The following CDH8 variants were observed in gnomAD, a reference collection of about 807,000 sequenced individuals.
CDH8 encodes cadherin 8.
Under a neutral mutation model 68.1 loss-of-function variants are expected in CDH8, and 17 were observed. The observed-to-expected ratio is 0.25, with a 90% confidence interval of 0.17 to 0.37. The LOEUF is 0.37. CDH8 is among the 10% of genes least tolerant of loss of function. The pLI is 1.00. For missense variants in CDH8, 763 were observed against 999.3 expected (o/e 0.76, Z 3.19); for synonymous variants, 372 against 365.1 (o/e 1.02, Z -0.21).
intron 2 of CDH8, among the ~76,000 whole-genome samples, chr16:61,982,924 T>C (rs571601524): frequency 2.6e-5 from 4 of 152,336 alleles, no homozygotes; most frequent in Admixed American, 2.0e-4. Context: ...TATACTGCCA[T>C]AATAGTGTTT....
At position 61,988,815 on chromosome 16, in the gene CDH8, T is replaced by C. The variant is rs537816430; in HGVS notation, c.252+32337A>G. Among the ~76,000 whole-genome samples the C allele has an allele frequency of 6.6e-5, 10 of 152,254 alleles. No individual in the cohort carries two copies. In the South Asian group the frequency reaches 1.5e-3, roughly 22 times the overall value. ...CAACTTTTAACTCTGTGGCTCAAAC[T>C]CCTTTAAAATTTTGAAATGTTATCC... is the stretch of plus-strand genomic sequence containing the variant. On this transcript the variant is annotated intron_variant, in intron 2 of 11. Transcript: ENST00000577390.
At chr16:61,654,139 G>C (rs747025092) in intron 11 of CDH8, 38 bp from the exon 12 acceptor site, 2 of 1,573,908 alleles carry the variant, frequency 1.3e-6, no homozygotes, top group South Asian at 2.4e-5. Flanking sequence ...AGCCAAACAA[G>C]CATATAATTT....
intron 10 of CDH8, among the ~76,000 whole-genome samples, chr16:61,708,788 T>C (rs1567433922): frequency 6.6e-6 from 1 of 152,180 alleles, no homozygotes; most frequent in Non-Finnish European, 1.5e-5. Flanking sequence ...ATAGTGCTGT[T>C]CTCCGTATCT....
intron 2 of CDH8, among the ~76,000 whole-genome samples, chr16:61,907,722 G>A (rs959758917): frequency 1.3e-5 from 2 of 151,542 alleles, no homozygotes; most frequent in South Asian, 2.1e-4. Flanking sequence ...AACTTACTGG[G>A]GAGAAAACCT....
chr16:61,727,099 C>T lies in CDH8; in HGVS notation c.1531G>A (p.Gly511Ser), dbSNP rs371471776. Residue 511 changes from glycine (G) to serine (S), a missense_variant, in exon 9 of 12, where the codon GGC (glycine) becomes AGC (serine). Gly to Ser is a moderately conservative substitution (Grantham distance 56, BLOSUM62 0). This residue lies in a region of CDH8 where 397 missense variants were observed against 436.2 expected (regional missense o/e 0.91). Transcript: ENST00000577390. Reference sequence around the variant, plus strand: ...AACAACATGGAGATATTTACTTGGCCGGGTTTTCCATTTTCACATAAAAAT... The same window carrying T: ...AACAACATGGAGATATTTACTTGGCTGGGTTTTCCATTTTCACATAAAAAT... ...EAFLCENGKP[G>S]QVIQTVSAMD... 67 of 1,610,570 alleles carry T rather than the reference C, an allele frequency of 4.2e-5. No homozygotes were observed. In the South Asian group the frequency reaches 4.5e-4, roughly 11 times the overall value.
At chr16:61,783,782 C>A (rs566896237) in intron 8 of CDH8, among the ~76,000 whole-genome samples, 1 of 152,150 alleles carries the variant, frequency 6.6e-6, no homozygotes, top group South Asian at 2.1e-4. Flanking sequence ...GGCCAATATT[C>A]AACATTCTTA....
chr16:61,813,150 T>C (rs541016655), intron 7 of CDH8, among the ~76,000 whole-genome samples: 2 of 152,316 alleles, frequency 1.3e-5, no homozygotes, highest in South Asian at 4.1e-4. Context: ...TGGTTTATTT[T>C]TCTTCTTTCC....
intron 2 of CDH8, among the ~76,000 whole-genome samples, chr16:61,922,970 C>G (rs1964394854): frequency 6.6e-6 from 1 of 152,116 alleles, no homozygotes; most frequent in South Asian, 2.1e-4. Flanking sequence ...CTTGGGATAT[C>G]CATCACCTTA....
rs749126057 is a variant in CDH8, at chr16:61,653,628, C to G, written c.2380G>C (p.Glu794Gln). 2 of 1,610,104 alleles carry G rather than the reference C, an allele frequency of 1.2e-6. No individual in the cohort carries two copies. Among genetic ancestry groups the G allele is most frequent in the Non-Finnish European group, 1.7e-6 (2 of 1,178,676 alleles). ...KRLGELYSVGESDKET is the reference protein window; with the variant it reads ...KRLGELYSVGQSDKET The stretch of plus-strand genomic sequence containing the variant: ...CACTGTCAAGTTTCTTTGTCACTTT[C>G]ACCAACAGAGTAGAGTTCGCCCAGT... Residue 794 changes from glutamate (E) to glutamine (Q), a missense_variant, in exon 12 of 12, where the codon GAA (glutamate) becomes CAA (glutamine). Physicochemically the swap from Glu to Gln is conservative, Grantham distance 29. Coordinates refer to ENST00000577390, the MANE Select transcript of CDH8 (RefSeq NM_001796.5).
chr16:61,655,179 T>G (rs1390548986), intron 11 of CDH8, among the ~76,000 whole-genome samples: 1 of 152,140 alleles, frequency 6.6e-6, no homozygotes, highest in Non-Finnish European at 1.5e-5. Flanking sequence ...CTAGATGGTG[T>G]TGTAACGACG....
rs1238215635 is a variant in CDH8, at chr16:61,901,422, C to T, written c.304G>A (p.Gly102Ser). 1 of 1,613,854 alleles carries T rather than the reference C, an allele frequency of 6.2e-7. No individual in the cohort carries two copies. Among genetic ancestry groups the T allele is most frequent in the Non-Finnish European group, 8.5e-7 (1 of 1,179,824 alleles). The change falls in exon 3 of 12, where the codon GGT becomes AGT. Residue 102 changes from glycine to serine, a missense_variant. Physicochemically the swap from Gly to Ser is moderately conservative, Grantham distance 56. Transcript: ENST00000577390. Reference protein sequence around the residue: ...GSKKIKYILSGDGAGTIFQIN... With the variant: ...GSKKIKYILSSDGAGTIFQIN... ...TGAAATATGGTCCCAGCTCCATCAC[C>T]TGATAGGATATACTTGATTTTTTTG...
chr16:62,014,635 C>T (rs1597126795), intron 2 of CDH8, among the ~76,000 whole-genome samples: 1 of 152,142 alleles, frequency 6.6e-6, no homozygotes, highest in Admixed American at 6.5e-5. Context: ...CATCCCGTGT[C>T]CTTCATACTA....
chr16:61,960,258 T>C (rs150647840), intron 2 of CDH8, among the ~76,000 whole-genome samples: 2,855 of 51,794 alleles, frequency 0.055, 800 homozygotes, highest in Admixed American at 0.087. Context: ...TGTATACACA[T>C]ACATATATAC....
intron 8 of CDH8, among the ~76,000 whole-genome samples, chr16:61,764,427 C>T (rs1490386249): frequency 2.0e-5 from 3 of 152,092 alleles, no homozygotes; most frequent in South Asian, 2.1e-4. Flanking sequence ...CTCAGTTTCC[C>T]GTAGGAAAAC....
At chr16:61,698,340 C>A (rs1475581512) in intron 10 of CDH8, among the ~76,000 whole-genome samples, 1 of 152,134 alleles carries the variant, frequency 6.6e-6, no homozygotes, top group African/African-American at 2.4e-5. Flanking sequence ...CAGACAGAAC[C>A]CAATCTGTGG....
chr16:61,848,487 C>A (rs1380768620), intron 4 of CDH8, among the ~76,000 whole-genome samples: 1 of 152,102 alleles, frequency 6.6e-6, no homozygotes, highest in Non-Finnish European at 1.5e-5. Context: ...GTATATTTAA[C>A]TGTTCTATGT....
chr16:61,658,443 C>T lies in CDH8; in HGVS notation c.1655-2722G>A, dbSNP rs59294358. 8.2e-3 allele frequency among the ~76,000 whole-genome samples: 1,244 copies of T among 151,710 alleles called. 15 individuals are homozygous for T. The highest frequency in any genetic ancestry group is 0.028 in the African/African-American group (1,156 of 41,432). ...TTATTTTTTGGTTGTTGTATTAATT[C>T]GATTGTTTTCTATACTAAAAATTGA... On this transcript the variant is annotated intron_variant, in intron 10 of 11. Coordinates refer to ENST00000577390, the MANE Select transcript of CDH8 (RefSeq NM_001796.5).
chr16:62,031,067 C>T (rs958982504), intron 1 of CDH8, among the ~76,000 whole-genome samples: 2 of 152,014 alleles, frequency 1.3e-5, no homozygotes, highest in Non-Finnish European at 2.9e-5. Context: ...ATTGAGTCAC[C>T]CATGCAGCAA....
intron 4 of CDH8, among the ~76,000 whole-genome samples, chr16:61,827,325 T>G (rs1397061072): frequency 1.3e-5 from 2 of 151,870 alleles, no homozygotes; most frequent in Non-Finnish European, 2.9e-5. Context: ...GACATGGAGC[T>G]TCTAACAATC....
Sources: gnomAD v4.1 joint callset for allele counts (sites outside exome capture counted in the v4.1 genomes callset) on GRCh38, gnomAD v4.1.1 for gene constraint, gnomAD v4.1.1 regional missense constraint, MANE v1.5 for transcripts, NCBI Gene and HGNC (gene_info 2026-07-23, HGNC 2026-07-21) for gene names.